RBFOX1: variants seen among roughly 807,000 people sequenced by gnomAD.
The protein encoded by RBFOX1 is RNA binding protein fox-1 homolog 1.
In RBFOX1, 8 loss-of-function variants were observed where a neutral mutation model predicts 57.7. The observed-to-expected ratio is 0.14, with a 90% CI of 0.08 to 0.25. The LOEUF (loss-of-function observed/expected upper bound fraction) is 0.25. Ranked by LOEUF, RBFOX1 falls within the 10% of genes least tolerant of loss-of-function variation. The pLI, the probability that RBFOX1 is intolerant of heterozygous loss-of-function variation, is 1.00. For missense variants in RBFOX1, 611 were observed against 548.5 expected, an observed-to-expected ratio of 1.11 and a Z score of -1.14; for synonymous variants, 326 against 222.4, an observed-to-expected ratio of 1.47 and a Z score of -4.15.
At position 5,542,908 on chromosome 16, in the gene RBFOX1, G is replaced by T. The variant is rs530410240; in HGVS notation, c.259-55994G>T. Among the ~76,000 whole-genome samples the T allele has an allele frequency of 6.6e-5, 10 of 152,290 alleles. No individual in the cohort carries two copies. In the East Asian group the frequency reaches 1.9e-3, roughly 29 times the overall value. On this transcript the variant is annotated intron_variant, in intron 2 of 2. Transcript: ENST00000585867. ...AAATTATTTTAAGAGCTGCTTATAA[G>T]GATTAGAAGGACCAGTACCTGGTGC...
intron 4 of RBFOX1, among the ~76,000 whole-genome samples, chr16:7,363,404 C>G (rs1235917787): frequency 6.6e-6 from 1 of 152,102 alleles, no homozygotes; most frequent in African/African-American, 2.4e-5. Context: ...TTGCCATGAG[C>G]AGCCAATGAA....
At chr16:7,143,773 C>T (rs773578383) in intron 4 of RBFOX1, among the ~76,000 whole-genome samples, 2 of 150,954 alleles carry the variant, frequency 1.3e-5, no homozygotes, top group African/African-American at 4.9e-5. Context: ...GCAGTGCTTA[C>T]TGAGTATCTA....
chr16:6,511,280 G>A (rs1469149248), intron 2 of RBFOX1, among the ~76,000 whole-genome samples: 1 of 152,128 alleles, frequency 6.6e-6, no homozygotes, highest in African/African-American at 2.4e-5. Context: ...GGGAGGAATA[G>A]GCCAGTGTGC....
At chr16:5,541,091 C>G (rs1329085134) in intron 2 of RBFOX1, among the ~76,000 whole-genome samples, 3 of 152,098 alleles carry the variant, frequency 2.0e-5, no homozygotes, top group Non-Finnish European at 4.4e-5. Flanking sequence ...CTCAAGTGAT[C>G]CACCTGCCTG....
At position 5,592,253 on chromosome 16, in the gene RBFOX1, G is replaced by A. The variant is rs997525507; in HGVS notation, c.259-6649G>A. On this transcript the variant is annotated intron_variant, in intron 2 of 2. Transcript: ENST00000585867. The stretch of plus-strand genomic sequence containing the variant: ...AATGATGTTATCTCTTTGTTCAGTG[G>A]GTTTTAATTTTCTCAGATTGCCCTT... Among the ~76,000 whole-genome samples, 139 of 151,638 alleles carry A rather than the reference G, an allele frequency of 9.2e-4. 1 individual carries two copies. Among genetic ancestry groups the A allele is most frequent in the African/African-American group, 3.0e-3 (124 of 41,278 alleles).
chr16:5,419,430 C>G (rs1041570871), intron 1 of RBFOX1, among the ~76,000 whole-genome samples: 1 of 152,002 alleles, frequency 6.6e-6, no homozygotes. Flanking sequence ...AGATTTTTTT[C>G]TGGCAATGCT....
chr16:7,530,423 C>G (rs909558884), intron 5 of RBFOX1, among the ~76,000 whole-genome samples: 1 of 151,924 alleles, frequency 6.6e-6, no homozygotes, highest in African/African-American at 2.4e-5. Flanking sequence ...CTCTGTTTCT[C>G]TTTGCTATCC....
intron 4 of RBFOX1, among the ~76,000 whole-genome samples, chr16:7,110,720 C>G (rs2064573490): frequency 6.6e-6 from 1 of 152,076 alleles, no homozygotes. Context: ...CATTAATAGC[C>G]TAAAAACAAG....
chr16:6,654,274 C>G (rs1009134010), intron 2 of RBFOX1, among the ~76,000 whole-genome samples: 2 of 152,206 alleles, frequency 1.3e-5, no homozygotes, highest in Non-Finnish European at 2.9e-5. Context: ...AAGGCAGTCT[C>G]TGCTGATGTG....
At chr16:5,479,827 G>A (rs954840781) in intron 2 of RBFOX1, among the ~76,000 whole-genome samples, 7 of 150,996 alleles carry the variant, frequency 4.6e-5, no homozygotes, top group Admixed American at 4.6e-4. Context: ...ACGTGTCCTT[G>A]GACTTCTTAA....
chr16:6,512,312 A>G (rs1027888469), intron 2 of RBFOX1, among the ~76,000 whole-genome samples: 3 of 147,690 alleles, frequency 2.0e-5, no homozygotes, highest in African/African-American at 7.5e-5. Flanking sequence ...TAAGAGAAAA[A>G]GAGATTTATG....
chr16:5,898,338 A>C (rs2058217393), intron 4 of RBFOX1, among the ~76,000 whole-genome samples: 1 of 152,126 alleles, frequency 6.6e-6, no homozygotes, highest in African/African-American at 2.4e-5. Context: ...TCAGGGTATC[A>C]TAGAGCAAGA....
intron 1 of RBFOX1, among the ~76,000 whole-genome samples, chr16:5,407,129 C>G (rs577816): frequency 0.57 from 86,880 of 151,908 alleles, 25,356 homozygotes; most frequent in Middle Eastern, 0.67. Context: ...CTTTCTTGGT[C>G]TCAGGCAAGA....
Position 5,751,171 on chromosome 16 carries a change from A to G in RBFOX1, c.319-116132A>G, listed in dbSNP as rs555100809. 1.4e-4 allele frequency among the ~76,000 whole-genome samples: 22 copies of G among 152,246 alleles called. 1 individual carries two copies. The highest frequency in any genetic ancestry group is 2.9e-5 in the Non-Finnish European group (2 of 68,016). ...AAATTCTGCTTTCTGTTCAATCCAG[A>G]CAGTTTGAGGAGCTCTCCCCGAAGG... On this transcript the variant is annotated intron_variant, in intron 3 of 19. Transcript: ENST00000641259.
At chr16:7,634,311 C>G (rs148168063) in intron 11 of RBFOX1, among the ~76,000 whole-genome samples, 45 of 152,048 alleles carry the variant, frequency 3.0e-4, no homozygotes, top group Admixed American at 1.2e-3. Flanking sequence ...TACAGACTTG[C>G]AAGATAACTC....
At chr16:5,824,409 T>C (rs966710512) in intron 3 of RBFOX1, among the ~76,000 whole-genome samples, 3 of 152,134 alleles carry the variant, frequency 2.0e-5, no homozygotes, top group Admixed American at 6.5e-5. Context: ...AGTGTCCCAG[T>C]ATCCAGGGCA....
chr16:7,318,451 A>G (rs2096485103), intron 4 of RBFOX1, among the ~76,000 whole-genome samples: 1 of 152,160 alleles, frequency 6.6e-6, no homozygotes, highest in African/African-American at 2.4e-5. Context: ...ACCTGGCTTC[A>G]GATTTGGTTC....
At chr16:5,383,714 G>A (rs1378763090) in intron 1 of RBFOX1, among the ~76,000 whole-genome samples, 1 of 152,178 alleles carries the variant, frequency 6.6e-6, no homozygotes, top group African/African-American at 2.4e-5. Context: ...TGGGCACTGG[G>A]AAAATGAGTT....
intron 2 of RBFOX1, among the ~76,000 whole-genome samples, chr16:6,478,411 ATATATATATATATATATATTTTTTTTTT>A (rs2095311440): frequency 3.4e-5 from 1 of 29,458 alleles, no homozygotes; most frequent in African/African-American, 2.5e-4. Context: ...ATATATATAT[ATATATATATATATATATATTTTTTTTTT>A]TTTTTTTTGT....
Sources: allele counts gnomAD v4.1 joint callset (sites outside exome capture counted in the v4.1 genomes callset), GRCh38; gene constraint gnomAD v4.1.1; transcripts MANE v1.5; gene names NCBI Gene and HGNC (gene_info 2026-07-23, HGNC 2026-07-21).